Variants in DGKI observed in about 807,000 individuals in gnomAD.
DGKI encodes DAG kinase iota.
Under a neutral mutation model 147.5 loss-of-function variants are expected in DGKI, and 55 were observed. The observed-to-expected ratio is 0.37, with a 90% CI of 0.30 to 0.47. DGKI has a LOEUF of 0.47. Ranked by LOEUF, DGKI falls within the 20% of genes least tolerant of loss-of-function variation. The pLI, the probability that DGKI is intolerant of heterozygous loss-of-function variation, is 1.00. For synonymous variants in DGKI, 469 were observed against 477.1 expected, an observed-to-expected ratio of 0.98 and a Z score of 0.22; for missense variants, 1,007 against 1,323.8, an observed-to-expected ratio of 0.76 and a Z score of 3.71.
At chr7:137,552,263 T>G (rs1338964322) in intron 20 of DGKI, 106 bp downstream of exon 20, 3 of 1,234,476 alleles carry the variant, frequency 2.4e-6, no homozygotes, top group African/African-American at 3.0e-5. Flanking sequence ...TCTCCTGGAC[T>G]TTTTTCCTCT....
At chr7:137,478,736 G>A (rs1815265584) in intron 23 of DGKI, among the ~76,000 whole-genome samples, 1 of 152,166 alleles carries the variant, frequency 6.6e-6, no homozygotes, top group South Asian at 2.1e-4. Context: ...AATGGCTCCT[G>A]GAAAGGGGGT....
intron 21 of DGKI, chr7:137,493,922 T>A: frequency 1.7e-6 from 1 of 595,874 alleles, no homozygotes; most frequent in Non-Finnish European, 3.0e-6. Flanking sequence ...ATCCAAAAAT[T>A]CTAAAGAATA....
intron 28 of DGKI, among the ~76,000 whole-genome samples, chr7:137,429,688 A>C (rs1173116829): frequency 1.3e-5 from 2 of 150,286 alleles, no homozygotes; most frequent in East Asian, 3.9e-4. Flanking sequence ...ATCTACAATG[A>C]ACTCAAACAA....
At position 137,708,370 on chromosome 7, in the gene DGKI, A is replaced by C. The variant is rs189291773; in HGVS notation, c.402-18368T>G. On this transcript the variant is annotated intron_variant, in intron 1 of 32. Transcript: ENST00000614521. ...TTCTCTCCCATTCTCGCTTTATATT[A>C]ATTTACAGGAGTGGAAGTGACAGCT... 2.9e-4 allele frequency among the ~76,000 whole-genome samples: 44 copies of C among 152,294 alleles called. 1 individual carries two copies. The highest frequency in any genetic ancestry group is 1.4e-3 in the Admixed American group (22 of 15,292).
chr7:137,516,482 T>C (rs1459004231), intron 21 of DGKI, among the ~76,000 whole-genome samples: 4 of 152,056 alleles, frequency 2.6e-5, no homozygotes, highest in Non-Finnish European at 5.9e-5. Flanking sequence ...TTTCATTATT[T>C]AAATGACGTT....
chr7:137,571,870 G>A (rs1237913624), intron 18 of DGKI, among the ~76,000 whole-genome samples: 2 of 152,022 alleles, frequency 1.3e-5, no homozygotes. Flanking sequence ...AGAAGGACAA[G>A]AGAGGAAGAA....
At chr7:137,589,417 TC>T (rs1819530349) in intron 12 of DGKI, among the ~76,000 whole-genome samples, 1 of 152,226 alleles carries the variant, frequency 6.6e-6, no homozygotes, top group Non-Finnish European at 1.5e-5. Flanking sequence ...AAAAAGTCTG[TC>T]CACTTCCCTA....
intron 1 of DGKI, among the ~76,000 whole-genome samples, chr7:137,799,106 G>T (rs1260181193): frequency 6.6e-6 from 1 of 152,090 alleles, no homozygotes; most frequent in Admixed American, 6.6e-5. Flanking sequence ...AGGCAAAAAA[G>T]ATGTCTTCTT....
chr7:137,493,895 G>GAGA, intron 21 of DGKI: 1 of 633,396 alleles, frequency 1.6e-6, no homozygotes, highest in Non-Finnish European at 2.8e-6. Flanking sequence ...CGAGATTCAG[G>GAGA]AGAAAGTTAA....
chr7:137,678,445 A>G (rs1016645114), intron 3 of DGKI, 112 bp downstream of exon 3: 4 of 981,938 alleles, frequency 4.1e-6, no homozygotes, highest in East Asian at 2.4e-5. Context: ...AAAGTTTTCC[A>G]TCTCACAAGG....
At chr7:137,794,983 T>C (rs1180235605) in intron 1 of DGKI, among the ~76,000 whole-genome samples, 1 of 152,134 alleles carries the variant, frequency 6.6e-6, no homozygotes, top group Non-Finnish European at 1.5e-5. Context: ...GATTCTGTAC[T>C]CACAAAACAA....
At chr7:137,663,103 T>C (rs575054309) in intron 3 of DGKI, among the ~76,000 whole-genome samples, 1 of 152,392 alleles carries the variant, frequency 6.6e-6, no homozygotes, top group Admixed American at 6.5e-5. Context: ...CTGTTACTGC[T>C]GACTTTTCCA....
intron 21 of DGKI, among the ~76,000 whole-genome samples, chr7:137,499,682 T>A (rs997684679): frequency 2.6e-5 from 4 of 152,302 alleles, no homozygotes; most frequent in South Asian, 4.1e-4. Flanking sequence ...GCTCTCAGAC[T>A]GGAAGATATA....
chr7:137,790,000 A>G (rs1173137011), intron 1 of DGKI, among the ~76,000 whole-genome samples: 1 of 152,208 alleles, frequency 6.6e-6, no homozygotes, highest in Non-Finnish European at 1.5e-5. Flanking sequence ...TCTTCAGAAA[A>G]GAACAAGAAA....
chr7:137,812,741 C>T (rs770272254), intron 1 of DGKI, among the ~76,000 whole-genome samples: 8 of 152,168 alleles, frequency 5.3e-5, no homozygotes, highest in Non-Finnish European at 1.2e-4. Context: ...TTGCCTGACT[C>T]CACAGACCTG....
At chr7:137,659,262 T>A (rs1415435164) in intron 3 of DGKI, among the ~76,000 whole-genome samples, 2 of 152,340 alleles carry the variant, frequency 1.3e-5, no homozygotes, top group East Asian at 1.9e-4. Flanking sequence ...AAATTCTGAA[T>A]AAAGGTCCCA....
At chr7:137,517,922 A>T (rs1314629130) in intron 21 of DGKI, among the ~76,000 whole-genome samples, 1 of 152,158 alleles carries the variant, frequency 6.6e-6, no homozygotes, top group Non-Finnish European at 1.5e-5. Flanking sequence ...CTTTCTTCCC[A>T]TAATCTTTCT....
At chr7:137,651,334 T>C (rs1222910265) in intron 5 of DGKI, among the ~76,000 whole-genome samples, 1 of 152,186 alleles carries the variant, frequency 6.6e-6, no homozygotes, top group East Asian at 1.9e-4. Context: ...ATTTGAAATA[T>C]ATTTTATAAA....
At chr7:137,840,903 C>G (rs1180353210) in intron 1 of DGKI, among the ~76,000 whole-genome samples, 1 of 152,248 alleles carries the variant, frequency 6.6e-6, no homozygotes, top group African/African-American at 2.4e-5. Flanking sequence ...AAGGAGCTAA[C>G]AACTTAGTTT....
Sources: gnomAD v4.1 joint callset for allele counts (sites outside exome capture counted in the v4.1 genomes callset) on GRCh38, gnomAD v4.1.1 for gene constraint, MANE v1.5 for transcripts, NCBI Gene and HGNC (gene_info 2026-07-23, HGNC 2026-07-21) for gene names.